The following CADM1 variants were observed in gnomAD, a reference collection of about 807,000 sequenced individuals.
CADM1 encodes the protein TSLC-1.
Under a neutral mutation model 53.1 loss-of-function variants are expected in CADM1, and 15 were observed. The observed-to-expected ratio is 0.28, with a 90% confidence interval of 0.19 to 0.44. The LOEUF is 0.44. CADM1 is among the 20% of genes least tolerant of loss of function. The pLI, the probability that CADM1 is intolerant of heterozygous loss-of-function variation, is 1.00. For synonymous variants in CADM1, 281 were observed against 243.0 expected (o/e 1.16, Z -1.45); for missense variants, 434 against 611.3 (o/e 0.71, Z 3.06).
chr11:115,435,818 G>A (rs971072216), intron 1 of CADM1, among the ~76,000 whole-genome samples: 4 of 152,172 alleles, frequency 2.6e-5, no homozygotes, highest in Non-Finnish European at 5.9e-5. Flanking sequence ...TACAACAACC[G>A]ACCTGAGTGA....
At chr11:115,307,384 C>T (rs1944402068) in intron 1 of CADM1, among the ~76,000 whole-genome samples, 1 of 151,768 alleles carries the variant, frequency 6.6e-6, no homozygotes, top group South Asian at 2.1e-4. Context: ...CCTATCCTCT[C>T]TCAGCAAGAA....
intron 1 of CADM1, among the ~76,000 whole-genome samples, chr11:115,333,285 C>T (rs991206561): frequency 1.3e-5 from 2 of 152,162 alleles, no homozygotes; most frequent in African/African-American, 2.4e-5. Flanking sequence ...CCCTCAAAGG[C>T]TCCCAGTGCC....
intron 1 of CADM1, among the ~76,000 whole-genome samples, chr11:115,247,402 C>CAAAGG (rs1297429104): frequency 1.3e-5 from 2 of 152,060 alleles, no homozygotes; most frequent in Non-Finnish European, 2.9e-5. Flanking sequence ...TCTTGGCATT[C>CAAAGG]AAAGGAGGAC....
intron 9 of CADM1, among the ~76,000 whole-genome samples, chr11:115,196,623 A>AACG (rs1565291008): frequency 7.1e-6 from 1 of 140,140 alleles, no homozygotes; most frequent in African/African-American, 2.7e-5. Flanking sequence ...AAAAAAAATC[A>AACG]CAAAACAATC....
At chr11:115,248,245 T>A (rs537265684) in intron 1 of CADM1, among the ~76,000 whole-genome samples, 1 of 152,348 alleles carries the variant, frequency 6.6e-6, no homozygotes, top group East Asian at 1.9e-4. Flanking sequence ...TGAAAACTCT[T>A]TTCAAGGAAG....
chr11:115,434,935 A>G (rs968869545), intron 1 of CADM1, among the ~76,000 whole-genome samples: 2 of 148,938 alleles, frequency 1.3e-5, no homozygotes, highest in African/African-American at 4.9e-5. Flanking sequence ...ATCTTGGCTC[A>G]ACACAACTTC....
At chr11:115,479,587 G>T (rs1034001286) in intron 1 of CADM1, among the ~76,000 whole-genome samples, 1 of 152,100 alleles carries the variant, frequency 6.6e-6, no homozygotes, top group Non-Finnish European at 1.5e-5. Context: ...ACATTTCATG[G>T]CAAACAAAAT....
At chr11:115,373,422 C>T (rs1946357390) in intron 1 of CADM1, among the ~76,000 whole-genome samples, 1 of 150,872 alleles carries the variant, frequency 6.6e-6, no homozygotes, top group Non-Finnish European at 1.5e-5. Flanking sequence ...CCATCTCTTC[C>T]AAAAATAAAA....
At chr11:115,338,872 T>TA (rs151168878) in intron 1 of CADM1, among the ~76,000 whole-genome samples, 8 of 35,348 alleles carry the variant, frequency 2.3e-4, no homozygotes, top group Non-Finnish European at 4.3e-4. Context: ...TCTTTTATTT[T>TA]TTTTATTTTT....
chr11:115,282,267 G>A (rs971097667), intron 1 of CADM1, among the ~76,000 whole-genome samples: 1 of 152,124 alleles, frequency 6.6e-6, no homozygotes, highest in South Asian at 2.1e-4. Context: ...TATGTAACAT[G>A]CTTAAGGAAG....
In CADM1 at chr11:115,233,455, C is replaced by T. The variant is rs527717608; in HGVS notation, c.425-1965G>A. Among the ~76,000 whole-genome samples, 5 of 152,168 alleles carry T rather than the reference C, an allele frequency of 3.3e-5. No homozygotes were observed. In the East Asian group the frequency reaches 7.7e-4, roughly 23 times the overall value. On this transcript the variant is annotated intron_variant, in intron 3 of 11. Coordinates refer to ENST00000331581, the MANE Select transcript of CADM1 (RefSeq NM_001301043.2). ...GTTCATCCATGCTAGATGACAGTCACGTAGGTTATAGATTTTCATCATACA... is the reference window on the plus strand; with the variant it reads ...GTTCATCCATGCTAGATGACAGTCATGTAGGTTATAGATTTTCATCATACA...
intron 1 of CADM1, among the ~76,000 whole-genome samples, chr11:115,295,549 T>TAAAA (rs66617340): frequency 5.8e-5 from 3 of 51,778 alleles, no homozygotes; most frequent in East Asian, 1.1e-3. Flanking sequence ...TATATATATA[T>TAAAA]AATATATATG....
chr11:115,238,666 CAG>C lies in CADM1; in HGVS notation c.272-16_272-15del, dbSNP rs747259167. 2.2e-5 allele frequency: 35 copies of C among 1,613,498 alleles called. No homozygotes were observed. The highest frequency in any genetic ancestry group is 1.9e-4 in the South Asian group (17 of 91,076). On this transcript the variant is annotated splice_polypyrimidine_tract_variant and intron_variant, in intron 2 of 11. Transcript: ENST00000331581. ...TGTCCTTCAAAGCTGTGAAACAAAA[CAG>C]AGAGTTAGTGATTGTGAGAAGGTGG...
At position 115,230,736 on chromosome 11, in the gene CADM1, A is replaced by C. The variant is rs150893633; in HGVS notation, c.562+617T>G. Among the ~76,000 whole-genome samples the C allele has an allele frequency of 7.7e-3, 1,167 of 152,338 alleles. 19 individuals carry two copies. The highest frequency in any genetic ancestry group is 0.027 in the African/African-American group (1,104 of 41,578). On this transcript the variant is annotated intron_variant, in intron 4 of 11. Transcript: ENST00000331581. ...TCATCACAAAATCACAGCCTGCATA[A>C]GAACAGACTGGTGAATTGGGCAACT...
At position 115,172,572 on chromosome 11, in the gene CADM1, T is replaced by C. The variant is rs1938828214; in HGVS notation, c.*3902A>G. On this transcript the variant is annotated 3_prime_UTR_variant, in exon 12 of 12. Transcript: ENST00000331581. ...ATTCTCATAGCACTCTCTGGGCTTC[T>C]CTGTGTTCAGTGGGGCACCCATGGC... The C allele has an allele frequency of 6.6e-6, 1 of 152,352 alleles. No individual in the cohort carries two copies. The allele number at this position is 152,352 out of a possible 1,614,324, so 9.4% of individuals were successfully genotyped here.
intron 1 of CADM1, among the ~76,000 whole-genome samples, chr11:115,394,597 TGATTAAAC>T (rs1230827627): frequency 5.9e-5 from 9 of 152,196 alleles, no homozygotes; most frequent in Non-Finnish European, 4.4e-5. Flanking sequence ...AACGAAAACA[TGATTAAAC>T]TATTCTTTTA....
chr11:115,377,533 A>G (rs372357277), intron 1 of CADM1: 3 of 152,346 alleles, frequency 2.0e-5, no homozygotes, highest in African/African-American at 4.8e-5. Flanking sequence ...TAAAATTACA[A>G]ATCTGACAAT....
chr11:115,266,891 A>T (rs182084008), intron 1 of CADM1, among the ~76,000 whole-genome samples: 5 of 152,266 alleles, frequency 3.3e-5, no homozygotes, highest in African/African-American at 9.6e-5. Context: ...CAATATTAAA[A>T]ATACACAAAA....
chr11:115,408,933 G>A (rs978780579), intron 1 of CADM1, among the ~76,000 whole-genome samples: 1 of 152,088 alleles, frequency 6.6e-6, no homozygotes, highest in African/African-American at 2.4e-5. Flanking sequence ...GTTTTAATCC[G>A]GTAATATGAA....
Sources: allele counts gnomAD v4.1 joint callset (sites outside exome capture counted in the v4.1 genomes callset), GRCh38; gene constraint gnomAD v4.1.1; transcripts MANE v1.5; gene names NCBI Gene and HGNC (gene_info 2026-07-23, HGNC 2026-07-21).